CSMD3: variants seen among roughly 807,000 people sequenced by gnomAD.
CSMD3 encodes CUB and sushi domain-containing protein 3.
In CSMD3, 177 loss-of-function variants were observed where a neutral mutation model predicts 435.2. That is an observed-to-expected ratio of 0.41 (90% CI 0.36 to 0.46). The LOEUF (loss-of-function observed/expected upper bound fraction) is 0.46, where lower values mean the gene tolerates loss of function less well. CSMD3 is among the 20% of genes least tolerant of loss of function. The probability of loss-of-function intolerance (pLI) is 0.34; values close to 1 mark genes in which losing one functional copy is unlikely to be tolerated. For missense variants in CSMD3, 4,265 were observed against 4,504.6 expected, an observed-to-expected ratio of 0.95 and a Z score of 1.52; for synonymous variants, 1,656 against 1,520.5, an observed-to-expected ratio of 1.09 and a Z score of -2.07.
chr8:112,407,618 A>G (rs993783087), intron 34 of CSMD3, among the ~76,000 whole-genome samples: 2 of 152,060 alleles, frequency 1.3e-5, no homozygotes, highest in Non-Finnish European at 2.9e-5. Flanking sequence ...ACAGGATTAT[A>G]GTCAACTGAT....
At chr8:112,968,708 T>A (rs2084522462) in intron 7 of CSMD3, among the ~76,000 whole-genome samples, 1 of 151,972 alleles carries the variant, frequency 6.6e-6, no homozygotes. Context: ...ATCTAATCTC[T>A]ACAACTTTTT....
chr8:113,212,780 C>T (rs930626112), intron 3 of CSMD3, among the ~76,000 whole-genome samples: 1 of 151,490 alleles, frequency 6.6e-6, no homozygotes, highest in Non-Finnish European at 1.5e-5. Context: ...GGAGATATAC[C>T]TAATGTAAAT....
chr8:113,163,876 A>T (rs2092096454), intron 4 of CSMD3, among the ~76,000 whole-genome samples: 1 of 152,018 alleles, frequency 6.6e-6, no homozygotes, highest in Non-Finnish European at 1.5e-5. Context: ...ATGTCAGTAA[A>T]AAGAGGTAAT....
At chr8:112,950,797 T>C (rs554049902) in intron 8 of CSMD3, among the ~76,000 whole-genome samples, 2 of 152,108 alleles carry the variant, frequency 1.3e-5, no homozygotes, top group Non-Finnish European at 2.9e-5. Context: ...CGGAGCTCTA[T>C]AGCTGTTCAG....
chr8:112,969,188 ATGAT>A lies in CSMD3; in HGVS notation c.1342+6645_1342+6648del, dbSNP rs1290950232. 3.3e-5 allele frequency among the ~76,000 whole-genome samples: 5 copies of A among 152,078 alleles called. No individual in the cohort carries two copies. In the South Asian group the frequency reaches 1.0e-3, roughly 32 times the overall value. ...AATTTAATGTGAATATTAAATCTGT[ATGAT>A]TGTTTGCTGTTTTCTTATTTTTGTT... On this transcript the variant is annotated intron_variant, in intron 7 of 70. Transcript: ENST00000297405.
intron 22 of CSMD3, among the ~76,000 whole-genome samples, chr8:112,615,002 C>T (rs1210451212): frequency 2.0e-5 from 2 of 99,448 alleles, no homozygotes; most frequent in Non-Finnish European, 4.1e-5. Context: ...GTAGACATAA[C>T]AAGAAAAAAA....
rs1396549794 is a variant in CSMD3, at chr8:112,715,192, G to C, written c.1973-25142C>G. Among the ~76,000 whole-genome samples, 3 of 151,738 alleles carry C rather than the reference G, an allele frequency of 2.0e-5. No homozygotes were observed. The East Asian group carries it at 5.8e-4, about 29-fold the overall frequency. On this transcript the variant is annotated intron_variant, in intron 13 of 70. Coordinates refer to ENST00000297405, the MANE Select transcript of CSMD3 (RefSeq NM_198123.2). ...GACCACTAGCTACACTAATGAAGGA[G>C]AAAAGAGATAAGAATCAAATAGACA...
intron 10 of CSMD3, among the ~76,000 whole-genome samples, chr8:112,883,978 T>C (rs987705440): frequency 2.0e-5 from 3 of 151,910 alleles, no homozygotes; most frequent in East Asian, 3.9e-4. Flanking sequence ...AAGGTAATAG[T>C]ATGCCACAGA....
chr8:112,564,689 G>C (rs998562852), intron 24 of CSMD3, among the ~76,000 whole-genome samples: 1 of 152,032 alleles, frequency 6.6e-6, no homozygotes, highest in Non-Finnish European at 1.5e-5. Context: ...AGCTCTCACA[G>C]GTCTGCCTTT....
intron 4 of CSMD3, among the ~76,000 whole-genome samples, chr8:113,106,830 C>A (rs536635645): frequency 9.8e-4 from 148 of 151,460 alleles, no homozygotes; most frequent in Non-Finnish European, 1.7e-3. Context: ...TATCCACATT[C>A]TTTATTCTCT....
chr8:113,089,871 A>AAAAAT (rs557244027), intron 5 of CSMD3, among the ~76,000 whole-genome samples: 13 of 152,140 alleles, frequency 8.5e-5, no homozygotes. Context: ...AAACAAAGCG[A>AAAAAT]AAAATAAAAT....
rs1203100483 is a variant in CSMD3, at chr8:112,963,659, TAAAC to T, written c.1343-8902_1343-8899del. 7.9e-5 allele frequency among the ~76,000 whole-genome samples: 12 copies of T among 152,044 alleles called. No homozygotes were observed. In the South Asian group the frequency reaches 8.3e-4, roughly 10 times the overall value. ...CAGAGATTCACAAAGATAGAGTAGA[TAAAC>T]AAAATTTAAATGCGTTGGCTGTATT... On this transcript the variant is annotated intron_variant, in intron 7 of 70. Coordinates refer to ENST00000297405, the MANE Select transcript of CSMD3 (RefSeq NM_198123.2).
At chr8:113,388,002 C>T (rs1358206547) in intron 1 of CSMD3, among the ~76,000 whole-genome samples, 3 of 151,636 alleles carry the variant, frequency 2.0e-5, no homozygotes, top group African/African-American at 7.2e-5. Context: ...GTGGCATATT[C>T]ATCTAGTCCT....
intron 13 of CSMD3, among the ~76,000 whole-genome samples, chr8:112,736,869 C>T (rs574070700): frequency 1.2e-4 from 18 of 151,890 alleles, no homozygotes; most frequent in Non-Finnish European, 2.2e-4. Context: ...TCTATATCAG[C>T]GTATACTGCC....
At chr8:113,221,564 G>A (rs973651360) in intron 3 of CSMD3, among the ~76,000 whole-genome samples, 2 of 151,112 alleles carry the variant, frequency 1.3e-5, no homozygotes, top group Non-Finnish European at 3.0e-5. Flanking sequence ...AGGTTATCTT[G>A]CAACTGATTT....
At chr8:112,685,781 A>G (rs2075997543) in intron 14 of CSMD3, 49 bp from the exon 15 acceptor site, 1 of 1,129,792 alleles carries the variant, frequency 8.9e-7, no homozygotes, top group Non-Finnish European at 1.3e-6. Context: ...CAAAAATAAT[A>G]TTTCATCTTA....
chr8:112,404,524 T>C (rs933181343), intron 35 of CSMD3, among the ~76,000 whole-genome samples: 3 of 138,642 alleles, frequency 2.2e-5, no homozygotes, highest in African/African-American at 7.9e-5. Flanking sequence ...TGAGACTCCA[T>C]AAAAAAAAAA....
intron 5 of CSMD3, among the ~76,000 whole-genome samples, chr8:113,091,456 T>C (rs1358698723): frequency 6.6e-6 from 1 of 152,126 alleles, no homozygotes; most frequent in Non-Finnish European, 1.5e-5. Flanking sequence ...TACTTGTTAT[T>C]GGTCTGTTCG....
intron 17 of CSMD3, among the ~76,000 whole-genome samples, chr8:112,657,636 T>C (rs1563820515): frequency 6.6e-6 from 1 of 152,192 alleles, no homozygotes; most frequent in Non-Finnish European, 1.5e-5. Context: ...TGAATCTAGA[T>C]CCAAGATCTA....
Sources: gnomAD v4.1 joint callset for allele counts (sites outside exome capture counted in the v4.1 genomes callset) on GRCh38, gnomAD v4.1.1 for gene constraint, MANE v1.5 for transcripts, NCBI Gene and HGNC (gene_info 2026-07-23, HGNC 2026-07-21) for gene names.